The following GMDS variants were observed in gnomAD, a reference collection of about 807,000 sequenced individuals.
GMDS encodes the protein GDP-mannose 4,6 dehydratase.
In GMDS, 20 loss-of-function variants were observed where a neutral mutation model predicts 49.9. The ratio of observed to expected loss-of-function variants is 0.40; its 90% CI spans 0.28 to 0.58. The LOEUF (loss-of-function observed/expected upper bound fraction) is 0.58, where lower values mean the gene tolerates loss of function less well. GMDS is among the 20% of genes least tolerant of loss of function. The probability of loss-of-function intolerance (pLI) is 0.42; values close to 1 mark genes in which losing one functional copy is unlikely to be tolerated. For missense variants in GMDS, 362 were observed against 481.4 expected, an observed-to-expected ratio of 0.75 and a Z score of 2.32; for synonymous variants, 177 against 178.6, an observed-to-expected ratio of 0.99 and a Z score of 0.07.
At chr6:1,910,683 T>C (rs1457706309) in intron 7 of GMDS, among the ~76,000 whole-genome samples, 2 of 152,180 alleles carry the variant, frequency 1.3e-5, no homozygotes, top group African/African-American at 4.8e-5. Flanking sequence ...CGAGGGTCTT[T>C]TGATTCTGGC....
chr6:2,024,121 C>T (rs972172496), intron 4 of GMDS, among the ~76,000 whole-genome samples: 1 of 151,974 alleles, frequency 6.6e-6, no homozygotes, highest in South Asian at 2.1e-4. Context: ...ACACCAATAG[C>T]AAAAATAGAT....
At chr6:1,913,032 T>C (rs189694872) in intron 7 of GMDS, among the ~76,000 whole-genome samples, 7 of 152,350 alleles carry the variant, frequency 4.6e-5, no homozygotes, top group Non-Finnish European at 7.3e-5. Flanking sequence ...GTTAACTTGC[T>C]CATTTATTGT....
chr6:1,651,552 C>T (rs1303776259), intron 9 of GMDS, among the ~76,000 whole-genome samples: 1 of 152,202 alleles, frequency 6.6e-6, no homozygotes, highest in East Asian at 1.9e-4. Flanking sequence ...GGGGCCGCAC[C>T]CAGGGCGTGG....
intron 9 of GMDS, among the ~76,000 whole-genome samples, chr6:1,689,525 A>C (rs1220489918): frequency 6.6e-6 from 1 of 152,214 alleles, no homozygotes; most frequent in Non-Finnish European, 1.5e-5. Flanking sequence ...AATCAGATAC[A>C]TTTGTATCTT....
intron 4 of GMDS, among the ~76,000 whole-genome samples, chr6:2,027,211 G>A (rs1245940334): frequency 1.3e-5 from 2 of 152,160 alleles, no homozygotes; most frequent in Non-Finnish European, 2.9e-5. Context: ...CGTGGAACAG[G>A]TGGACACAGC....
chr6:2,058,374 G>A (rs1367259625), intron 4 of GMDS, among the ~76,000 whole-genome samples: 1 of 148,802 alleles, frequency 6.7e-6, no homozygotes, highest in Non-Finnish European at 1.5e-5. Flanking sequence ...AGAAGTTAAT[G>A]CATTAGAAGG....
rs149987569 is a variant in GMDS, at chr6:1,725,037, T to C, written c.987+1379A>G. 4.9e-4 allele frequency among the ~76,000 whole-genome samples: 75 copies of C among 152,360 alleles called. 1 individual carries two copies. The East Asian group carries it at 0.011, about 23-fold the overall frequency. ...TTAAAGAGTGGTAAATGATGACCGA[T>C]TCACTTTCAGTCTCTCTTCACTGGG... On this transcript the variant is annotated intron_variant, in intron 9 of 10. Transcript: ENST00000380815.
Position 2,202,439 on chromosome 6 carries a change from T to TC in GMDS, c.102+42881_102+42882insG, listed in dbSNP as rs537748354. Among the ~76,000 whole-genome samples the TC allele has an allele frequency of 5.7e-3, 866 of 151,888 alleles. 2 individuals carry two copies. The highest frequency in any genetic ancestry group is 0.017 in the Middle Eastern group (5 of 294). Reference sequence around the variant, plus strand: ...GACTGCTGCCAATTTCTTTCTATTTTTTTTTTTTTTTACAGATACAATCTT... The same window carrying TC: ...GACTGCTGCCAATTTCTTTCTATTTTCTTTTTTTTTTTACAGATACAATCTT... On this transcript the variant is annotated intron_variant, in intron 1 of 10. Transcript: ENST00000380815.
At chr6:1,903,203 A>T (rs1007942753) in intron 7 of GMDS, among the ~76,000 whole-genome samples, 1 of 152,228 alleles carries the variant, frequency 6.6e-6, no homozygotes, top group South Asian at 2.1e-4. Context: ...CCAACTTCAG[A>T]ATCAAATTTC....
intron 7 of GMDS, among the ~76,000 whole-genome samples, chr6:1,877,545 G>A (rs1759134735): frequency 6.6e-6 from 1 of 151,714 alleles, no homozygotes; most frequent in Non-Finnish European, 1.5e-5. Flanking sequence ...AGTTGAGGAG[G>A]GAGGATCACT....
chr6:1,872,988 C>G (rs934141321), intron 7 of GMDS, among the ~76,000 whole-genome samples: 1 of 152,204 alleles, frequency 6.6e-6, no homozygotes, highest in Non-Finnish European at 1.5e-5. Flanking sequence ...TCCTGTATCA[C>G]ACAGGTTTCT....
chr6:1,721,666 T>G (rs1427757219), intron 9 of GMDS, among the ~76,000 whole-genome samples: 1 of 152,194 alleles, frequency 6.6e-6, no homozygotes, highest in Non-Finnish European at 1.5e-5. Context: ...TTTTGCTTTT[T>G]TAGTGGATTG....
At chr6:1,801,578 G>A (rs1307564090) in intron 7 of GMDS, among the ~76,000 whole-genome samples, 2 of 152,178 alleles carry the variant, frequency 1.3e-5, no homozygotes, top group African/African-American at 2.4e-5. Flanking sequence ...CCTCACTCCC[G>A]TCGGAGAGGC....
intron 7 of GMDS, among the ~76,000 whole-genome samples, chr6:1,922,467 G>C (rs1444819710): frequency 2.6e-5 from 4 of 152,210 alleles, no homozygotes; most frequent in African/African-American, 9.6e-5. Context: ...CCCTGGTGAA[G>C]CTCCACCTTC....
At chr6:2,114,434 C>T (rs1774729143) in intron 4 of GMDS, among the ~76,000 whole-genome samples, 1 of 152,074 alleles carries the variant, frequency 6.6e-6, no homozygotes, top group Non-Finnish European at 1.5e-5. Context: ...CACCGCTTCT[C>T]TATAGGAAAG....
At chr6:1,999,980 A>ATATT (rs1189385904) in intron 4 of GMDS, among the ~76,000 whole-genome samples, 6 of 18,706 alleles carry the variant, frequency 3.2e-4, no homozygotes, top group Admixed American at 9.8e-4. Flanking sequence ...TTATATATAT[A>ATATT]TTTTATATAT....
intron 7 of GMDS, among the ~76,000 whole-genome samples, chr6:1,911,957 C>T (rs1581347264): frequency 6.6e-6 from 1 of 152,140 alleles, no homozygotes; most frequent in East Asian, 1.9e-4. Context: ...TCTCTAAACT[C>T]TTCATAAAAA....
intron 7 of GMDS, among the ~76,000 whole-genome samples, chr6:1,752,999 G>GC (rs1767790668): frequency 1.3e-5 from 2 of 152,108 alleles, no homozygotes; most frequent in Non-Finnish European, 1.5e-5. Flanking sequence ...TAACCAGCTA[G>GC]CATCATAATG....
intron 6 of GMDS, among the ~76,000 whole-genome samples, chr6:1,956,618 T>C (rs1196027340): frequency 1.3e-5 from 2 of 151,384 alleles, no homozygotes; most frequent in Non-Finnish European, 2.9e-5. Flanking sequence ...CTACACCATG[T>C]AGAAAAAAAA....
Sources: gnomAD v4.1 joint callset for allele counts (sites outside exome capture counted in the v4.1 genomes callset) on GRCh38, gnomAD v4.1.1 for gene constraint, MANE v1.5 for transcripts, NCBI Gene and HGNC (gene_info 2026-07-23, HGNC 2026-07-21) for gene names.